AGBL1: variants seen among roughly 807,000 people sequenced by gnomAD.
AGBL1 encodes the protein cytosolic carboxypeptidase 4.
In AGBL1, 130 loss-of-function variants were observed where a neutral mutation model predicts 118.9. That is an observed-to-expected ratio of 1.09 (90% CI 0.95 to 1.26). The LOEUF (loss-of-function observed/expected upper bound fraction) is 1.26. Among genes scored for constraint, AGBL1 ranks in the 50% most tolerant of loss-of-function variants. The probability of loss-of-function intolerance (pLI) is 0.00; values close to 1 mark genes in which losing one functional copy is unlikely to be tolerated. For synonymous variants in AGBL1, 555 were observed against 478.9 expected, an observed-to-expected ratio of 1.16 and a Z score of -2.08; for missense variants, 1,584 against 1,298.1, an observed-to-expected ratio of 1.22 and a Z score of -3.38.
At chr15:86,188,431 T>C (rs1323090159) in intron 5 of AGBL1, among the ~76,000 whole-genome samples, 1 of 152,232 alleles carries the variant, frequency 6.6e-6, no homozygotes, top group Non-Finnish European at 1.5e-5. Flanking sequence ...TTGATAATCT[T>C]GTCCAAATTC....
intron 22 of AGBL1, among the ~76,000 whole-genome samples, chr15:86,695,997 C>G (rs909496372): frequency 2.0e-5 from 3 of 151,848 alleles, no homozygotes; most frequent in African/African-American, 7.3e-5. Context: ...TTTATTGAGA[C>G]TTGTTTTGTG....
At chr15:86,129,265 T>G (rs2076788233) in intron 1 of AGBL1, among the ~76,000 whole-genome samples, 1 of 152,188 alleles carries the variant, frequency 6.6e-6, no homozygotes, top group African/African-American at 2.4e-5. Context: ...ACGTTGTCAC[T>G]TAACCCTCTG....
intron 22 of AGBL1, among the ~76,000 whole-genome samples, chr15:86,685,378 G>C (rs1453454495): frequency 3.3e-5 from 5 of 152,100 alleles, no homozygotes; most frequent in Admixed American, 6.6e-5. Flanking sequence ...GAGCCTATTG[G>C]AAAACGAAGA....
At chr15:86,527,704 T>G (rs769470876) in intron 19 of AGBL1, among the ~76,000 whole-genome samples, 3 of 152,182 alleles carry the variant, frequency 2.0e-5, no homozygotes, top group Non-Finnish European at 4.4e-5. Flanking sequence ...GCTAGGAAGA[T>G]CCACCGGTTC....
At chr15:86,450,146 C>T (rs1453157675) in intron 18 of AGBL1, among the ~76,000 whole-genome samples, 1 of 152,152 alleles carries the variant, frequency 6.6e-6, no homozygotes, top group African/African-American at 2.4e-5. Flanking sequence ...TCGATTGTTG[C>T]ATAAAGCCAT....
At chr15:86,412,113 G>C (rs189652443) in intron 18 of AGBL1, among the ~76,000 whole-genome samples, 230 of 152,282 alleles carry the variant, frequency 1.5e-3, no homozygotes, top group Non-Finnish European at 2.4e-3. Flanking sequence ...CATCATCAAA[G>C]CTTGGGAATT....
chr15:86,968,012 TTTG>T (rs2081071775), intron 23 of AGBL1, among the ~76,000 whole-genome samples: 2 of 152,182 alleles, frequency 1.3e-5, no homozygotes, highest in South Asian at 4.2e-4. Flanking sequence ...TGAGCAGTGG[TTTG>T]TTGTTCTCCT....
intron 1 of AGBL1, among the ~76,000 whole-genome samples, chr15:86,108,733 C>A (rs374872917): frequency 6.6e-6 from 1 of 152,062 alleles, no homozygotes; most frequent in Non-Finnish European, 1.5e-5. Flanking sequence ...CCGAGACGGG[C>A]GGATCACGAG....
chr15:86,337,521 A>G lies in AGBL1; in HGVS notation c.2374+42113A>G, dbSNP rs541890699. 2.0e-5 allele frequency among the ~76,000 whole-genome samples: 3 copies of G among 152,344 alleles called. No homozygotes were observed. In the South Asian group the frequency reaches 6.2e-4, roughly 32 times the overall value. ...ACATATACACCATGGAATACTATGC[A>G]GCTATTAAAAAGGAATGAGATCATA... On this transcript the variant is annotated intron_variant, in intron 17 of 22. Transcript: ENST00000614907.
intron 21 of AGBL1, among the ~76,000 whole-genome samples, chr15:86,611,092 G>A (rs541146455): frequency 6.6e-6 from 1 of 152,264 alleles, no homozygotes; most frequent in Non-Finnish European, 1.5e-5. Context: ...AAATTGAACA[G>A]GACTTGTATC....
intron 18 of AGBL1, among the ~76,000 whole-genome samples, chr15:86,480,624 G>T (rs1596170136): frequency 1.3e-5 from 2 of 151,866 alleles, no homozygotes; most frequent in Admixed American, 6.6e-5. Flanking sequence ...TGTTACAGAG[G>T]AATAAAACCT....
At chr15:86,729,391 G>A (rs1034793949) in intron 22 of AGBL1, among the ~76,000 whole-genome samples, 1 of 152,244 alleles carries the variant, frequency 6.6e-6, no homozygotes, top group Admixed American at 6.5e-5. Flanking sequence ...CTCAGGTAGT[G>A]AGCATAGTAC....
chr15:87,018,962 G>C (rs1022127430), intron 24 of AGBL1, among the ~76,000 whole-genome samples: 2 of 151,964 alleles, frequency 1.3e-5, no homozygotes, highest in African/African-American at 4.8e-5. Context: ...GAAAAGCAGG[G>C]ATTGCAATCC....
chr15:86,366,912 C>CT (rs2080895877), intron 17 of AGBL1, among the ~76,000 whole-genome samples: 1 of 152,170 alleles, frequency 6.6e-6, no homozygotes, highest in Non-Finnish European at 1.5e-5. Flanking sequence ...GCCTTGACCC[C>CT]ATACTCTGCG....
Position 86,676,735 on chromosome 15 carries a change from ATTG to A in AGBL1, c.3158+2306_3158+2308del, listed in dbSNP as rs374180277. Reference sequence around the variant, plus strand: ...TCCAGCATCCTACAAGAAGATTTGTATTGTTGTTGCGTGGAAGGAATTGTGAAT... The same window carrying A: ...TCCAGCATCCTACAAGAAGATTTGTATTGTTGCGTGGAAGGAATTGTGAAT... On this transcript the variant is annotated intron_variant, in intron 22 of 22. Transcript: ENST00000614907. Among the ~76,000 whole-genome samples the A allele has an allele frequency of 2.3e-3, 346 of 152,232 alleles. 2 individuals are homozygous for A. The highest frequency in any genetic ancestry group is 7.7e-3 in the African/African-American group (319 of 41,538).
In AGBL1 at chr15:87,006,469, G is replaced by A. The variant is rs575696407; in HGVS notation, c.3323+18381G>A. ...CTGTGCTAGCCATGAGTGAGGCTCCGTGGGCATGGTACCCTCCGAGCCAGG... is the reference window on the plus strand; with the variant it reads ...CTGTGCTAGCCATGAGTGAGGCTCCATGGGCATGGTACCCTCCGAGCCAGG... On this transcript the variant is annotated intron_variant, in intron 24 of 24. Transcript: ENST00000441037. Among the ~76,000 whole-genome samples the A allele has an allele frequency of 5.0e-4, 76 of 152,304 alleles. 1 individual carries two copies. The highest frequency in any genetic ancestry group is 1.0e-3 in the South Asian group (5 of 4,828).
chr15:86,871,191 G>A lies in AGBL1; in HGVS notation c.3159-35896G>A, dbSNP rs557808646. On this transcript the variant is annotated intron_variant, in intron 22 of 22. Coordinates refer to ENST00000614907, the MANE Select transcript of AGBL1 (RefSeq NM_001386094.1). ...CCTCATGATTTGTGGGTAGGAGATG[G>A]GAACAGAAAGGAAATTGTCTCCAGT... Among the ~76,000 whole-genome samples the A allele has an allele frequency of 5.3e-5, 8 of 152,258 alleles. No individual in the cohort carries two copies. The South Asian group carries it at 1.7e-3, about 32-fold the overall frequency.
chr15:86,770,652 C>A (rs1246576998), intron 22 of AGBL1, among the ~76,000 whole-genome samples: 2 of 151,854 alleles, frequency 1.3e-5, no homozygotes, highest in Non-Finnish European at 2.9e-5. Context: ...TTGAGCTGAA[C>A]TTTAAAGGAC....
intron 7 of AGBL1, among the ~76,000 whole-genome samples, chr15:86,255,250 A>T (rs926886819): frequency 6.6e-6 from 1 of 151,936 alleles, no homozygotes; most frequent in Non-Finnish European, 1.5e-5. Context: ...TTTTTTTCCC[A>T]TTGCTGATAC....
Sources: allele counts gnomAD v4.1 joint callset (sites outside exome capture counted in the v4.1 genomes callset), GRCh38; gene constraint gnomAD v4.1.1; transcripts MANE v1.5; gene names NCBI Gene and HGNC (gene_info 2026-07-23, HGNC 2026-07-21).